The following SLC39A10 variants were observed in gnomAD, a reference collection of about 807,000 sequenced individuals.
SLC39A10 encodes the protein solute carrier family 39 member 10.
A neutral mutation model predicts 65.1 loss-of-function variants in SLC39A10; 13 were observed. That is an observed-to-expected ratio of 0.20 (90% CI 0.13 to 0.32). The LOEUF is 0.32. Ranked by LOEUF, SLC39A10 falls within the 10% of genes least tolerant of loss-of-function variation. The pLI is 1.00. For synonymous variants in SLC39A10, 321 were observed against 342.2 expected, an observed-to-expected ratio of 0.94 and a Z score of 0.68; for missense variants, 831 against 1,018.4, an observed-to-expected ratio of 0.82 and a Z score of 2.50.
intron 9 of SLC39A10, among the ~76,000 whole-genome samples, chr2:195,732,256 C>G (rs1692454342): frequency 6.6e-6 from 1 of 152,082 alleles, no homozygotes; most frequent in Admixed American, 6.5e-5. Context: ...GACTTTGGCT[C>G]TATGGAGGAA....
At chr2:195,646,188 C>T (rs1054520947) in intron 2 of SLC39A10, among the ~76,000 whole-genome samples, 12 of 152,122 alleles carry the variant, frequency 7.9e-5, no homozygotes, top group Non-Finnish European at 1.3e-4. Context: ...TCAAGCGATC[C>T]GCCCACCTCA....
rs1690268360 is a variant in SLC39A10 at position 195,680,666 on chromosome 2, G to A, written c.624G>A (p.Glu208=). ...NDSITPSERG[E]PSNEPSTETN... ...CCATTACTCCCAGTGAGCGTGGGGA[G>A]CCTAGCAATGAACCTTCAACAGAGA... is the stretch of plus-strand genomic sequence containing the variant. The change falls in exon 2 of 10, where the codon GAG becomes GAA. Residue 208 remains glutamate, a synonymous_variant. Transcript: ENST00000359634. 1.9e-6 allele frequency: 3 copies of A among 1,613,878 alleles called. No individual in the cohort carries two copies.
chr2:195,624,270 C>T (rs1225497676), intron 2 of SLC39A10, among the ~76,000 whole-genome samples: 2 of 151,106 alleles, frequency 1.3e-5, no homozygotes, highest in Non-Finnish European at 2.9e-5. Flanking sequence ...GCCTGTAATC[C>T]CAGCTACTCG....
At chr2:195,716,484 A>G (rs1419222641) in intron 6 of SLC39A10, among the ~76,000 whole-genome samples, 153 bp from the exon 7 acceptor site, 4 of 152,176 alleles carry the variant, frequency 2.6e-5, no homozygotes, top group Non-Finnish European at 5.9e-5. Context: ...TCATTTTTCT[A>G]TTAGAATGGC....
intron 1 of SLC39A10, among the ~76,000 whole-genome samples, chr2:195,676,584 G>C (rs1013867954): frequency 1.3e-5 from 2 of 152,120 alleles, no homozygotes; most frequent in African/African-American, 2.4e-5. Context: ...TGTGTGTAGT[G>C]TGAGGAAGAA....
chr2:195,639,892 C>T (rs1301743954), intron 2 of SLC39A10, among the ~76,000 whole-genome samples: 1 of 152,180 alleles, frequency 6.6e-6, no homozygotes, highest in East Asian at 1.9e-4. Flanking sequence ...ATGGAAAATC[C>T]ACATAAATTA....
At chr2:195,714,971 C>G (rs1189947593) in intron 6 of SLC39A10, among the ~76,000 whole-genome samples, 2 of 152,004 alleles carry the variant, frequency 1.3e-5, no homozygotes, top group East Asian at 1.9e-4. Context: ...CCAGGATGGT[C>G]TCAATCTCCT....
At chr2:195,688,349 G>A (rs1297596828) in intron 3 of SLC39A10, among the ~76,000 whole-genome samples, 1 of 151,996 alleles carries the variant, frequency 6.6e-6, no homozygotes. Context: ...TTAGGATAGA[G>A]TTTATGTAAG....
intron 2 of SLC39A10, among the ~76,000 whole-genome samples, chr2:195,622,326 A>C (rs757341131): frequency 9.9e-5 from 15 of 152,188 alleles, no homozygotes; most frequent in Non-Finnish European, 5.9e-5. Context: ...TGATCATGCC[A>C]CTGCACTCTA....
chr2:195,715,414 T>C (rs1352521480), intron 6 of SLC39A10, among the ~76,000 whole-genome samples: 2 of 151,298 alleles, frequency 1.3e-5, no homozygotes, highest in Non-Finnish European at 2.9e-5. Context: ...TAGTCCCAGT[T>C]ACTCAGATGG....
rs535560076 is a variant in SLC39A10 at position 195,645,469 on chromosome 2, G to C, written c.-11-34563G>C. ...GTACTATAATATGGTTCAATTCCTT[G>C]AGCATTATAGACATTAGATAGTATA... On this transcript the variant is annotated intron_variant, in intron 2 of 2. Coordinates refer to the SLC39A10 transcript ENST00000458054. Among the ~76,000 whole-genome samples, 6 of 152,244 alleles carry C rather than the reference G, an allele frequency of 3.9e-5. No individual in the cohort carries two copies. The South Asian group carries it at 1.2e-3, about 32-fold the overall frequency.
chr2:195,631,345 A>G (rs72929769), intron 2 of SLC39A10, among the ~76,000 whole-genome samples: 5,091 of 152,218 alleles, frequency 0.033, 112 homozygotes, highest in Non-Finnish European at 0.051. Context: ...AATAACTTGT[A>G]CTTAAAAAAA....
intron 3 of SLC39A10, among the ~76,000 whole-genome samples, chr2:195,688,791 T>C (rs1690618923): frequency 6.6e-6 from 1 of 152,214 alleles, no homozygotes; most frequent in Admixed American, 6.5e-5. Context: ...TTAACCTTAC[T>C]ACTTATGTAT....
intron 9 of SLC39A10, among the ~76,000 whole-genome samples, chr2:195,731,297 C>T (rs978570200): frequency 1.2e-4 from 19 of 152,244 alleles, no homozygotes; most frequent in East Asian, 3.9e-4. Flanking sequence ...ATCACCCCTC[C>T]GGAATAGTTT....
chr2:195,683,691 C>T lies in SLC39A10; in HGVS notation c.1009-8C>T, dbSNP rs1690420045. On this transcript the variant is annotated splice_region_variant and splice_polypyrimidine_tract_variant and intron_variant, in intron 2 of 9. Transcript: ENST00000359634. ...CTTATTTAATTTGTTTTATCACTTT[C>T]CTTGCAGTGTTTGAACGTCACTCAG... The T allele has an allele frequency of 6.2e-7, 1 of 1,608,234 alleles. No homozygotes were observed. The highest frequency in any genetic ancestry group is 1.7e-5 in the Admixed American group (1 of 59,866).
At chr2:195,635,477 G>A (rs1048044646) in intron 2 of SLC39A10, among the ~76,000 whole-genome samples, 2 of 152,176 alleles carry the variant, frequency 1.3e-5, no homozygotes, top group Non-Finnish European at 2.9e-5. Context: ...TGCATTGATG[G>A]TGCAGAAGCA....
In SLC39A10 at chr2:195,695,462, C is replaced by T. The variant is rs1273438205; in HGVS notation, c.1217-11154C>T. Among the ~76,000 whole-genome samples, 12 of 152,250 alleles carry T rather than the reference C, an allele frequency of 7.9e-5. No homozygotes were observed. The East Asian group carries it at 1.9e-3, about 25-fold the overall frequency. ...GTGGGTCTCACTCCCACCATTCCCC[C>T]GGAGAAGCACCGAGTCTATTTCCAG... On this transcript the variant is annotated intron_variant, in intron 3 of 9. Transcript: ENST00000359634.
intron 2 of SLC39A10, 151 bp from the exon 3 acceptor site, chr2:195,683,548 C>T: frequency 1.6e-6 from 1 of 610,952 alleles, no homozygotes; most frequent in Non-Finnish European, 2.7e-6. Flanking sequence ...ATTACAAATT[C>T]TTATTAAAAA....
At chr2:195,643,643 T>C (rs1688853178) in intron 2 of SLC39A10, among the ~76,000 whole-genome samples, 3 of 152,144 alleles carry the variant, frequency 2.0e-5, no homozygotes, top group Admixed American at 1.3e-4. Context: ...TAGTTTGGGG[T>C]TGGATGAGGG....
Sources: allele counts gnomAD v4.1 joint callset (sites outside exome capture counted in the v4.1 genomes callset), GRCh38; gene constraint gnomAD v4.1.1; transcripts MANE v1.5; gene names NCBI Gene and HGNC (gene_info 2026-07-23, HGNC 2026-07-21).